The following CABIN1 variants were observed in gnomAD, a reference collection of about 807,000 sequenced individuals.
CABIN1 encodes the protein calcineurin binding protein 1.
A neutral mutation model predicts 227.7 loss-of-function variants in CABIN1; 133 were observed. The ratio of observed to expected loss-of-function variants is 0.58; its 90% CI spans 0.51 to 0.67. CABIN1 has a LOEUF of 0.67. Among genes scored for constraint, CABIN1 ranks in the 30% least tolerant of loss-of-function variants. CABIN1 has a pLI of 0.00. For synonymous variants in CABIN1, 1,086 were observed against 1,155.1 expected, an observed-to-expected ratio of 0.94 and a Z score of 1.21; for missense variants, 2,408 against 2,852.5, an observed-to-expected ratio of 0.84 and a Z score of 3.55.
rs61419744 is a variant in CABIN1, at chr22:24,081,825, G to A, written c.2749-1403G>A. Reference sequence around the variant, plus strand: ...GTGGATCACCTGAGATCAGGAGTTCGAGACCAGCCTGACCAACAAGGTGAA... The same window carrying A: ...GTGGATCACCTGAGATCAGGAGTTCAAGACCAGCCTGACCAACAAGGTGAA... On this transcript the variant is annotated intron_variant, in intron 19 of 36. Transcript: ENST00000263119. Among the ~76,000 whole-genome samples the A allele has an allele frequency of 6.5e-3, 991 of 151,992 alleles. 11 individuals carry two copies. Among genetic ancestry groups the A allele is most frequent in the African/African-American group, 0.023 (960 of 41,456 alleles).
chr22:24,040,087 T>C (rs2037247144), intron 4 of CABIN1, among the ~76,000 whole-genome samples: 1 of 152,228 alleles, frequency 6.6e-6, no homozygotes, highest in Admixed American at 6.5e-5. Flanking sequence ...TGCTGATTGT[T>C]TAGTTCGAAG....
chr22:24,095,045 G>T (rs2041804450), intron 24 of CABIN1, among the ~76,000 whole-genome samples: 1 of 152,194 alleles, frequency 6.6e-6, no homozygotes, highest in African/African-American at 2.4e-5. Flanking sequence ...AAATGGAGTT[G>T]CTGGGCCAAT....
At position 24,060,122 on chromosome 22, in the gene CABIN1, G is replaced by A; in HGVS notation, c.1598G>A (p.Cys533Tyr). 6.2e-7 allele frequency: 1 copy of A among 1,613,710 alleles called. No individual in the cohort carries two copies. Among genetic ancestry groups the A allele is most frequent in the East Asian group, 2.2e-5 (1 of 44,886 alleles). Reference protein sequence around the residue: ...TSLPNPLLRDCSNKHIKDMML... With the variant: ...TSLPNPLLRDYSNKHIKDMML... ...CTGCCCAACCCGCTGCTGAGGGACT[G>A]CAGCAACAAGCACATCAAGGTTAGG... The change falls in exon 12 of 37, where the codon TGC becomes TAC. Residue 533 changes from cysteine (C) to tyrosine (Y), a missense_variant. By Grantham distance (194) the Cys-to-Tyr change is radical. Coordinates refer to ENST00000263119, the MANE Select transcript of CABIN1 (RefSeq NM_012295.4).
In CABIN1 at chr22:24,038,372, C is replaced by T; in HGVS notation, c.121C>T (p.His41Tyr). ...AQEAEAFALYHKALDLQKHDR... is the reference protein window; with the variant it reads ...AQEAEAFALYYKALDLQKHDR... ...GGAAGCAGAGGCTTTTGCATTGTACCACAAGGCCCTTGATCTGCAGAAACA... is the reference window on the plus strand; with the variant it reads ...GGAAGCAGAGGCTTTTGCATTGTACTACAAGGCCCTTGATCTGCAGAAACA... The change falls in exon 4 of 37, where the codon CAC (histidine) becomes TAC (tyrosine). Residue 41 changes from histidine (H) to tyrosine (Y), a missense_variant. His to Tyr is a moderately conservative substitution (Grantham distance 83). Around this residue, in one of 3 missense-constraint regions of CABIN1, gnomAD observed 1,045 missense variants for 1,168.4 expected, o/e 0.89. Coordinates refer to ENST00000263119, the MANE Select transcript of CABIN1 (RefSeq NM_012295.4). 1 of 1,613,916 alleles carries T rather than the reference C, an allele frequency of 6.2e-7. No individual in the cohort carries two copies. The highest frequency in any genetic ancestry group is 8.5e-7 in the Non-Finnish European group (1 of 1,179,850).
Position 24,070,990 on chromosome 22 carries a change from A to C in CABIN1, c.2423A>C (p.Lys808Thr). 6.2e-7 allele frequency: 1 copy of C among 1,614,220 alleles called. No individual in the cohort carries two copies. Among genetic ancestry groups the C allele is most frequent in the East Asian group, 2.2e-5 (1 of 44,882 alleles). ...GCGGACAGCAGTGGTAGCATCCTGA[A>C]GGTATCATCCTCCACCACTGGCCTT... ...LSADSSGSIL[K>T]VSSSTTGLVR... The change falls in exon 17 of 37, where the codon AAG (lysine) becomes ACG (threonine). Residue 808 changes from lysine to threonine, a missense_variant. Transcript: ENST00000263119.
intron 1 of CABIN1, among the ~76,000 whole-genome samples, chr22:24,021,070 G>A (rs1031561213): frequency 6.6e-6 from 1 of 151,884 alleles, no homozygotes; most frequent in African/African-American, 2.4e-5. Flanking sequence ...TGTGATCATG[G>A]CTCACTGCAG....
chr22:24,035,910 C>CT (rs61688464), intron 2 of CABIN1, among the ~76,000 whole-genome samples, 179 bp from the exon 3 acceptor site: 41 of 110,170 alleles, frequency 3.7e-4, no homozygotes, highest in Non-Finnish European at 4.9e-4. Context: ...CCCCGCCCTT[C>CT]TTTTTTTTTT....
At chr22:24,071,065 C>T in intron 17 of CABIN1, 23 bp downstream of exon 17, 1 of 1,614,198 alleles carries the variant, frequency 6.2e-7, no homozygotes, top group Non-Finnish European at 8.5e-7. Context: ...TCCTTCTCAC[C>T]CTGCCCTGCC....
At chr22:24,096,298 C>T (rs947712044) in intron 25 of CABIN1, among the ~76,000 whole-genome samples, 7 of 152,202 alleles carry the variant, frequency 4.6e-5, no homozygotes, top group Non-Finnish European at 1.0e-4. Context: ...TCCCCTTACC[C>T]TGTGGTCATG....
In CABIN1 at chr22:24,167,050, C is replaced by G; in HGVS notation, c.5419C>G (p.Arg1807Gly). The G allele has an allele frequency of 6.5e-7, 1 of 1,546,478 alleles. No homozygotes were observed. Among genetic ancestry groups the G allele is most frequent in the African/African-American group, 1.4e-5 (1 of 73,062 alleles). The change falls in exon 32 of 37, where the codon CGG becomes GGG. Residue 1807 changes from arginine (R) to glycine (G), a missense_variant. Physicochemically the swap from Arg to Gly is moderately radical, Grantham distance 125. Coordinates refer to ENST00000263119, the MANE Select transcript of CABIN1 (RefSeq NM_012295.4). ...CCTGGAGGAGCTGAGCATCAGTGCC[C>G]GGCAGCAGCCCACCCCGCTCACCCC... ...LSLEELSISA[R>G]QQPTPLTPAQ...
intron 29 of CABIN1, among the ~76,000 whole-genome samples, chr22:24,157,541 C>T (rs932497873): frequency 8.5e-5 from 13 of 152,158 alleles, no homozygotes; most frequent in Non-Finnish European, 1.5e-4. Context: ...CAAGTCTCTC[C>T]CCCAGCAAGG....
chr22:24,022,475 C>G (rs967769822), intron 1 of CABIN1, among the ~76,000 whole-genome samples: 1 of 152,184 alleles, frequency 6.6e-6, no homozygotes, highest in African/African-American at 2.4e-5. Flanking sequence ...TAGTATTCCA[C>G]TGTATGATAT....
rs532879304 is a variant in CABIN1, at chr22:24,175,657, G to A, written c.6041-454G>A. The A allele has an allele frequency of 1.1e-5, 3 of 261,338 alleles. No individual in the cohort carries two copies. In the South Asian group the frequency reaches 1.3e-4, roughly 11 times the overall value. 16.2% of individuals were successfully genotyped at this position (261,338 alleles called of 1,614,324 possible). The stretch of plus-strand genomic sequence containing the variant: ...CCTCAGGCCAGGGAAGGTGTGGCTG[G>A]CTGGGCAGGAGCCATAGTGCCAGCG... On this transcript the variant is annotated intron_variant, in intron 34 of 36. Coordinates refer to ENST00000263119, the MANE Select transcript of CABIN1 (RefSeq NM_012295.4).
intron 29 of CABIN1, among the ~76,000 whole-genome samples, chr22:24,145,834 T>A (rs1366550405): frequency 6.6e-6 from 1 of 152,200 alleles, no homozygotes; most frequent in Non-Finnish European, 1.5e-5. Flanking sequence ...TAGTCTCAGC[T>A]CCTAATGCGC....
At chr22:24,058,665 A>G (rs147187279) in intron 10 of CABIN1, among the ~76,000 whole-genome samples, 1 of 152,362 alleles carries the variant, frequency 6.6e-6, no homozygotes, top group East Asian at 1.9e-4. Context: ...ATGAGGTCCT[A>G]GAACACACCA....
chr22:24,095,246 C>T (rs62231974), intron 24 of CABIN1, among the ~76,000 whole-genome samples: 8,574 of 152,392 alleles, frequency 0.056, 321 homozygotes, highest in Non-Finnish European at 0.087. Flanking sequence ...GAGCCTGCCT[C>T]ACACCCACTC....
chr22:24,172,157 C>G (rs1433965263), intron 34 of CABIN1, among the ~76,000 whole-genome samples, 162 bp downstream of exon 34: 1 of 152,238 alleles, frequency 6.6e-6, no homozygotes, highest in African/African-American at 2.4e-5. Context: ...ACTCACCAGT[C>G]ACTGGCAGCC....
intron 24 of CABIN1, 90 bp from the exon 25 acceptor site, chr22:24,095,841 A>C: frequency 2.4e-5 from 32 of 1,358,862 alleles, no homozygotes; most frequent in African/African-American, 2.9e-5. Flanking sequence ...TGCCCTGGTC[A>C]TGGGCCCATT....
intron 27 of CABIN1, among the ~76,000 whole-genome samples, chr22:24,114,467 G>T (rs1202823817): frequency 2.0e-5 from 3 of 152,330 alleles, no homozygotes; most frequent in Non-Finnish European, 4.4e-5. Flanking sequence ...TCTGTGCTGG[G>T]CACTGTGTTA....
Sources: allele counts gnomAD v4.1 joint callset (sites outside exome capture counted in the v4.1 genomes callset), GRCh38; gene constraint gnomAD v4.1.1; regional missense constraint gnomAD v4.1.1; transcripts MANE v1.5; gene names NCBI Gene and HGNC (gene_info 2026-07-23, HGNC 2026-07-21).